TBX5: variants seen among roughly 807,000 people sequenced by gnomAD.
TBX5 encodes the protein T-box transcription factor 5, also known as T-box transcription factor TBX5.
TBX5 carries 8 observed loss-of-function variants against 51.1 expected under a neutral mutation model. The ratio of observed to expected loss-of-function variants is 0.16; its 90% CI spans 0.09 to 0.28. TBX5 has a LOEUF of 0.28. TBX5 is among the 10% of genes least tolerant of loss of function. The pLI is 1.00. For missense variants in TBX5, 589 were observed against 671.7 expected, an observed-to-expected ratio of 0.88 and a Z score of 1.36; for synonymous variants, 302 against 266.4, an observed-to-expected ratio of 1.13 and a Z score of -1.30.
chr12:114,366,093 C>A (rs1267352985), intron 8 of TBX5, 72 bp downstream of exon 8: 2 of 1,438,350 alleles, frequency 1.4e-6, no homozygotes, highest in East Asian at 2.3e-5. Flanking sequence ...TACTCCTCAC[C>A]CCCTCACCCC....
At chr12:114,395,652 C>T (rs1871375826) in intron 5 of TBX5, among the ~76,000 whole-genome samples, 1 of 152,270 alleles carries the variant, frequency 6.6e-6, no homozygotes, top group Admixed American at 6.5e-5. Flanking sequence ...GTTTCAGGAT[C>T]CACAACCAGA....
At chr12:114,400,385 T>C (rs937348343) in intron 3 of TBX5, among the ~76,000 whole-genome samples, 1 of 152,256 alleles carries the variant, frequency 6.6e-6, no homozygotes, top group African/African-American at 2.4e-5. Context: ...GATTCAGTCG[T>C]TATCAAGCCG....
chr12:114,358,796 T>C (rs1869067154), intron 8 of TBX5, among the ~76,000 whole-genome samples: 1 of 152,086 alleles, frequency 6.6e-6, no homozygotes, highest in African/African-American at 2.4e-5. Flanking sequence ...TTTGTTTGTT[T>C]GTTTGTTTGT....
chr12:114,378,184 G>A (rs1245732724), intron 7 of TBX5, among the ~76,000 whole-genome samples: 2 of 152,162 alleles, frequency 1.3e-5, no homozygotes, highest in Non-Finnish European at 2.9e-5. Flanking sequence ...CCCTGATAAT[G>A]CTCCATAAAT....
chr12:114,369,913 G>T (rs1289293641), intron 7 of TBX5, among the ~76,000 whole-genome samples: 1 of 151,940 alleles, frequency 6.6e-6, no homozygotes, highest in Non-Finnish European at 1.5e-5. Context: ...TTTGATCCTG[G>T]CAAGAACCTC....
At chr12:114,395,200 C>T (rs1871351861) in intron 5 of TBX5, among the ~76,000 whole-genome samples, 1 of 152,142 alleles carries the variant, frequency 6.6e-6, no homozygotes, top group African/African-American at 2.4e-5. Flanking sequence ...ACTTCCCACC[C>T]CCAACGGGAG....
chr12:114,356,156 G>A, intron 8 of TBX5, 50 bp from the exon 9 acceptor site: 1 of 1,566,518 alleles, frequency 6.4e-7, no homozygotes, highest in South Asian at 1.1e-5. Flanking sequence ...GCACCAGGCA[G>A]CTAAAAGTGG....
At chr12:114,384,593 G>T (rs1474804260) in intron 7 of TBX5, among the ~76,000 whole-genome samples, 1 of 151,958 alleles carries the variant, frequency 6.6e-6, no homozygotes, top group Non-Finnish European at 1.5e-5. Flanking sequence ...TTCTTTGAAT[G>T]AATATATCTG....
intron 8 of TBX5, among the ~76,000 whole-genome samples, chr12:114,365,254 C>G (rs1869455543): frequency 6.6e-6 from 1 of 151,256 alleles, no homozygotes; most frequent in Admixed American, 6.6e-5. Context: ...GAAACACTGA[C>G]ACATATGCCA....
chr12:114,395,246 G>A (rs1221873730), intron 5 of TBX5, among the ~76,000 whole-genome samples: 1 of 152,138 alleles, frequency 6.6e-6, no homozygotes, highest in Non-Finnish European at 1.5e-5. Flanking sequence ...CGCGTCTGGA[G>A]GGAAGCCTCA....
chr12:114,388,598 C>A (rs1034844003), intron 6 of TBX5, among the ~76,000 whole-genome samples: 2 of 151,962 alleles, frequency 1.3e-5, no homozygotes, highest in African/African-American at 4.8e-5. Context: ...CCACCTTGGC[C>A]TTCCAAAGTG....
upstream of TBX5, chr12:114,407,053 C>T: frequency 2.0e-6 from 2 of 985,352 alleles, no homozygotes; most frequent in South Asian, 9.4e-5. Context: ...CTTGGGCCTG[C>T]AAGTCAAGGT....
In TBX5 at chr12:114,385,719, CTTCA is replaced by C. The variant is rs2136398121; in HGVS notation, c.664-156_664-153del. On this transcript the variant is annotated intron_variant, in intron 6 of 8. Transcript: ENST00000405440. ...CCAGTCACGTCAACGGGACCCACCA[CTTCA>C]TTCAAGTGGAGGCTTTGAAAAATGT... 5.6e-6 allele frequency: 4 copies of C among 708,462 alleles called. No individual in the cohort carries two copies. In the East Asian group the frequency reaches 1.1e-4, roughly 19 times the overall value. 43.9% of individuals were successfully genotyped at this position (708,462 alleles called of 1,614,324 possible). A position where few individuals can be genotyped will look rare whatever the true frequency, so the allele number is the denominator to read the frequency against.
chr12:114,382,642 C>T (rs542635444), intron 7 of TBX5, among the ~76,000 whole-genome samples: 35 of 152,148 alleles, frequency 2.3e-4, no homozygotes, highest in South Asian at 2.1e-3. Flanking sequence ...TACTAAAACA[C>T]GAAAATTAGC....
intron 7 of TBX5, among the ~76,000 whole-genome samples, chr12:114,376,911 G>A (rs373813452): frequency 6.6e-6 from 1 of 151,992 alleles, no homozygotes. Context: ...AGGTGGGGGT[G>A]GGGGTACCTG....
chr12:114,405,056 G>A (rs1384505731), intron 1 of TBX5, among the ~76,000 whole-genome samples: 2 of 152,208 alleles, frequency 1.3e-5, no homozygotes, highest in African/African-American at 4.8e-5. Context: ...CCCCTAGAAC[G>A]GGAAGACTTT....
intron 3 of TBX5, among the ~76,000 whole-genome samples, chr12:114,401,494 C>A (rs1181044392): frequency 6.6e-6 from 1 of 152,142 alleles, no homozygotes; most frequent in African/African-American, 2.4e-5. Context: ...TTTCCCTCTT[C>A]TCTCTTTCCC....
intron 7 of TBX5, among the ~76,000 whole-genome samples, chr12:114,375,908 G>A (rs867476005): frequency 1.9e-4 from 29 of 152,040 alleles, no homozygotes; most frequent in South Asian, 4.2e-4. Flanking sequence ...AACAAGGCAT[G>A]GTGGCACGTG....
Position 114,355,507 on chromosome 12 carries a change from T to A in TBX5, c.*25A>T. The A allele has an allele frequency of 1.9e-6, 3 of 1,612,634 alleles. No homozygotes were observed. In the African/African-American group the frequency reaches 4.0e-5, roughly 21 times the overall value. ...TCTCTCTCTCTCTTTCTCTAGGAAA[T>A]GTCTGTTGTGAAGCAGGCCTCACTT... is the stretch of plus-strand genomic sequence containing the variant. On this transcript the variant is annotated 3_prime_UTR_variant, in exon 9 of 9. Transcript: ENST00000405440.
Sources: allele counts gnomAD v4.1 joint callset (sites outside exome capture counted in the v4.1 genomes callset), GRCh38; gene constraint gnomAD v4.1.1; transcripts MANE v1.5; gene names NCBI Gene and HGNC (gene_info 2026-07-23, HGNC 2026-07-21).